Variants in STXBP6 observed in about 807,000 individuals in gnomAD.
STXBP6 encodes the protein syntaxin-binding protein 6.
Under a neutral mutation model 26.9 loss-of-function variants are expected in STXBP6, and 21 were observed. The observed-to-expected ratio is 0.78, with a 90% confidence interval of 0.55 to 1.12. STXBP6 has a LOEUF of 1.12. STXBP6 is among the 50% of genes most tolerant of loss of function. The pLI, the probability that STXBP6 is intolerant of heterozygous loss-of-function variation, is 0.00. For missense variants in STXBP6, 232 were observed against 257.9 expected (o/e 0.90, Z 0.69); for synonymous variants, 97 against 92.6 (o/e 1.05, Z -0.27).
At chr14:25,037,223 T>C (rs551889736) in intron 1 of STXBP6, among the ~76,000 whole-genome samples, 1 of 152,140 alleles carries the variant, frequency 6.6e-6, no homozygotes, top group East Asian at 1.9e-4. Context: ...AGAGCCCCAT[T>C]TGACAGAGGC....
At chr14:24,946,509 T>C (rs2072997396) in intron 2 of STXBP6, among the ~76,000 whole-genome samples, 1 of 152,138 alleles carries the variant, frequency 6.6e-6, no homozygotes, top group African/African-American at 2.4e-5. Context: ...AAGGATTGAC[T>C]ATGATGAATG....
At chr14:24,965,267 T>C (rs779195291) in intron 2 of STXBP6, among the ~76,000 whole-genome samples, 2 of 147,436 alleles carry the variant, frequency 1.4e-5, no homozygotes, top group African/African-American at 5.2e-5. Context: ...GTCTGGGTTA[T>C]CGTGTGATTT....
intron 1 of STXBP6, among the ~76,000 whole-genome samples, chr14:25,015,132 A>T (rs1192596556): frequency 1.3e-5 from 2 of 152,220 alleles, no homozygotes; most frequent in African/African-American, 4.8e-5. Context: ...ATTGAATTCT[A>T]AAAGCAGTAT....
intron 3 of STXBP6, 90 bp downstream of exon 3, chr14:24,856,937 G>T: frequency 1.4e-6 from 2 of 1,446,840 alleles, no homozygotes; most frequent in South Asian, 3.0e-5. Context: ...TCTTAAGAAT[G>T]ATTCAAACCA....
chr14:24,928,023 T>C (rs2072240603), intron 2 of STXBP6, among the ~76,000 whole-genome samples: 1 of 151,924 alleles, frequency 6.6e-6, no homozygotes, highest in Non-Finnish European at 1.5e-5. Flanking sequence ...GAGGAGAAAA[T>C]AGAAAGCTGA....
chr14:24,847,968 T>C (rs2069021062), intron 4 of STXBP6, among the ~76,000 whole-genome samples: 1 of 152,140 alleles, frequency 6.6e-6, no homozygotes, highest in South Asian at 2.1e-4. Context: ...ACATTTGAAA[T>C]ATCTATAGTA....
intron 2 of STXBP6, among the ~76,000 whole-genome samples, chr14:24,951,096 T>C (rs957491796): frequency 3.3e-5 from 5 of 152,188 alleles, no homozygotes; most frequent in Non-Finnish European, 7.3e-5. Flanking sequence ...TGCATAGTAT[T>C]CCATGGTGTA....
chr14:24,877,826 A>C (rs2070201506), intron 2 of STXBP6, among the ~76,000 whole-genome samples: 3 of 152,208 alleles, frequency 2.0e-5, no homozygotes, highest in African/African-American at 7.2e-5. Context: ...AATTTTAATA[A>C]ATATTACCAC....
At chr14:24,928,557 A>AACCT (rs2072266551) in intron 2 of STXBP6, among the ~76,000 whole-genome samples, 1 of 152,224 alleles carries the variant, frequency 6.6e-6, no homozygotes, top group Non-Finnish European at 1.5e-5. Flanking sequence ...AGAATTGGAT[A>AACCT]ACCTACCCAG....
intron 2 of STXBP6, among the ~76,000 whole-genome samples, chr14:24,970,028 G>A (rs768637517): frequency 6.6e-6 from 1 of 152,168 alleles, no homozygotes; most frequent in African/African-American, 2.4e-5. Context: ...GATGGCCTGA[G>A]GTCGGGAACT....
intron 2 of STXBP6, among the ~76,000 whole-genome samples, chr14:24,875,576 C>T (rs796484897): frequency 6.6e-6 from 1 of 152,068 alleles, no homozygotes; most frequent in African/African-American, 2.4e-5. Flanking sequence ...GAAATCTATT[C>T]TGTTGAAAGT....
At chr14:24,990,801 G>C (rs1307517569) in intron 1 of STXBP6, among the ~76,000 whole-genome samples, 1 of 151,938 alleles carries the variant, frequency 6.6e-6, no homozygotes, top group African/African-American at 2.4e-5. Flanking sequence ...ACAAGCAAAT[G>C]CCACAAAGAA....
chr14:24,871,380 G>A (rs1454973969), intron 2 of STXBP6, among the ~76,000 whole-genome samples: 1 of 152,160 alleles, frequency 6.6e-6, no homozygotes, highest in African/African-American at 2.4e-5. Context: ...ATGGCACTGA[G>A]GAAGAAAAGA....
At position 25,023,304 on chromosome 14, in the gene STXBP6, G is replaced by T. The variant is rs1388838185; in HGVS notation, c.-33+26574C>A. Among the ~76,000 whole-genome samples, 5 of 149,232 alleles carry T rather than the reference G, an allele frequency of 3.4e-5. No individual in the cohort carries two copies. In the South Asian group the frequency reaches 6.3e-4, roughly 19 times the overall value. ...ATAGGACAAACACGACTGAGATATT[G>T]TTTGAAAAAAAAAAAGCCCGTCAGA... On this transcript the variant is annotated intron_variant, in intron 1 of 5. Transcript: ENST00000323944.
At chr14:24,997,672 T>A (rs1223705443) in intron 1 of STXBP6, among the ~76,000 whole-genome samples, 1 of 152,172 alleles carries the variant, frequency 6.6e-6, no homozygotes, top group Non-Finnish European at 1.5e-5. Flanking sequence ...ATATAAGCAA[T>A]ACAAAAATGC....
intron 2 of STXBP6, among the ~76,000 whole-genome samples, chr14:24,868,894 C>T (rs190753052): frequency 8.5e-5 from 13 of 152,322 alleles, no homozygotes; most frequent in Non-Finnish European, 1.5e-4. Context: ...CAGGCATGTT[C>T]GTACTGCAAT....
intron 3 of STXBP6, among the ~76,000 whole-genome samples, chr14:24,856,801 CA>C (rs1193165707): frequency 1.3e-5 from 2 of 151,866 alleles, no homozygotes; most frequent in Admixed American, 6.6e-5. Context: ...CCGGAGGTCA[CA>C]TTTTTTCAAT....
intron 2 of STXBP6, among the ~76,000 whole-genome samples, chr14:24,904,893 G>C (rs1489177566): frequency 6.6e-6 from 1 of 151,610 alleles, no homozygotes; most frequent in Non-Finnish European, 1.5e-5. Flanking sequence ...TATTTGATTA[G>C]AGAAAATTAG....
chr14:24,850,644 T>C (rs886423905), intron 4 of STXBP6, among the ~76,000 whole-genome samples: 1 of 152,112 alleles, frequency 6.6e-6, no homozygotes, highest in Non-Finnish European at 1.5e-5. Context: ...CCCCTTACTG[T>C]CATGGCAATG....
Sources: gnomAD v4.1 joint callset for allele counts (sites outside exome capture counted in the v4.1 genomes callset) on GRCh38, gnomAD v4.1.1 for gene constraint, MANE v1.5 for transcripts, NCBI Gene and HGNC (gene_info 2026-07-23, HGNC 2026-07-21) for gene names.